The following PRPF39 variants were observed in gnomAD, a reference collection of about 807,000 sequenced individuals.
The protein encoded by PRPF39 is pre-mRNA processing factor 39.
A neutral mutation model predicts 82.1 loss-of-function variants in PRPF39; 27 were observed. The observed-to-expected ratio is 0.33, with a 90% CI of 0.24 to 0.45. PRPF39 has a LOEUF of 0.45. Ranked by LOEUF, PRPF39 falls within the 20% of genes least tolerant of loss-of-function variation. PRPF39 has a pLI of 1.00. For synonymous variants in PRPF39, 261 were observed against 256.4 expected (o/e 1.02, Z -0.17); for missense variants, 581 against 796.9 (o/e 0.73, Z 3.26).
chr14:45,096,127 G>A lies in PRPF39; in HGVS notation c.349G>A (p.Ala117Thr). The A allele has an allele frequency of 6.3e-7, 1 of 1,577,718 alleles. No homozygotes were observed. The highest frequency in any genetic ancestry group is 1.2e-5 in the South Asian group (1 of 86,042). Residue 117 changes from alanine (A) to threonine (T), a missense_variant, in exon 3 of 14, where the codon GCA becomes ACA. Transcript: ENST00000355765. ...GAATCACTTGATGGCTGCCAGGAAG[G>A]CATTTGACAGATTTTTCATACACTA... Reference protein sequence around the residue: ...QENHLMAARKAFDRFFIHYPY... With the variant: ...QENHLMAARKTFDRFFIHYPY...
At chr14:45,096,450 A>G in intron 3 of PRPF39, 2 of 1,481,996 alleles carry the variant, frequency 1.3e-6, no homozygotes, top group African/African-American at 1.4e-5. Flanking sequence ...CAGTTTGTCA[A>G]GCTTTGCAGT....
intron 1 of PRPF39, among the ~76,000 whole-genome samples, chr14:45,093,053 C>T (rs937366085): frequency 5.9e-5 from 9 of 152,288 alleles, no homozygotes; most frequent in Admixed American, 5.9e-4. Flanking sequence ...CAATTGTTAA[C>T]ACCAGCTGCC....
At position 45,103,340 on chromosome 14, in the gene PRPF39, A is replaced by G. The variant is rs191485672; in HGVS notation, c.737+644A>G. ...AGTATCCCATAAATAAGGATCCAGA[A>G]AGTCTTTCTGAACGAGTATGAGGAC... On this transcript the variant is annotated intron_variant, in intron 5 of 13. Transcript: ENST00000355765. Among the ~76,000 whole-genome samples the G allele has an allele frequency of 5.0e-3, 763 of 152,246 alleles. 8 individuals carry two copies. Among genetic ancestry groups the G allele is most frequent in the African/African-American group, 0.017 (716 of 41,574 alleles).
Position 45,110,437 on chromosome 14 carries a change from T to A in PRPF39, c.1304-112T>A, listed in dbSNP as rs111262011. ...CAGTGTGTAAATATGCATGGCTGTT[T>A]CCCATTATTAGTTGCTGGATTTAGC... On this transcript the variant is annotated intron_variant, in intron 9 of 13. Transcript: ENST00000355765. This position sits in a 1 kb window ranked among gnomAD's most constrained non-coding sequence, Gnocchi z 4.0. The A allele has an allele frequency of 5.7e-5, 72 of 1,258,304 alleles. 4 individuals are homozygous for A. The highest frequency in any genetic ancestry group is 5.3e-4 in the African/African-American group (35 of 66,054). The allele number at this position is 1,258,304 out of a possible 1,614,324, so 77.9% of individuals were successfully genotyped here.
intron 3 of PRPF39, 106 bp from the exon 4 acceptor site, chr14:45,096,781 A>G: frequency 6.5e-7 from 1 of 1,541,690 alleles, no homozygotes; most frequent in Admixed American, 2.0e-5. Context: ...TATTTAAACA[A>G]AATTCCAGTA....
In PRPF39 at chr14:45,096,384, T is replaced by C. The variant is rs547287657; in HGVS notation, c.450+156T>C. 126 of 1,523,322 alleles carry C rather than the reference T, an allele frequency of 8.3e-5. 1 individual carries two copies. The East Asian group carries it at 3.2e-3, about 38-fold the overall frequency. The allele number at this position is 1,523,322 out of a possible 1,614,324, so 94.4% of individuals were successfully genotyped here. A position where few individuals can be genotyped will look rare whatever the true frequency, so the allele number is the denominator to read the frequency against. On this transcript the variant is annotated intron_variant, in intron 3 of 13. Coordinates refer to ENST00000355765, the MANE Select transcript of PRPF39 (RefSeq NM_017922.4). ...GGTATTTATTTGCATTTGTCACTCT[T>C]GTGGCATTTGTAGCTAATATTTTCT...
chr14:45,114,170 T>C lies in PRPF39; in HGVS notation c.1758-13T>C. 1 of 1,547,172 alleles carries C rather than the reference T, an allele frequency of 6.5e-7. No individual in the cohort carries two copies. The highest frequency in any genetic ancestry group is 8.8e-7 in the Non-Finnish European group (1 of 1,134,824). ...TTGTATATTCCAGAGGATATTTTTTTCTTTCCTTTCAGGCTTCTGAATGCT... is the reference window on the plus strand; with the variant it reads ...TTGTATATTCCAGAGGATATTTTTTCCTTTCCTTTCAGGCTTCTGAATGCT... On this transcript the variant is annotated splice_polypyrimidine_tract_variant and intron_variant, in intron 11 of 13. Transcript: ENST00000355765.
At chr14:45,111,001 A>G (rs893948855) in intron 10 of PRPF39, 184 bp downstream of exon 10, 16 of 594,300 alleles carry the variant, frequency 2.7e-5, no homozygotes, top group Non-Finnish European at 4.6e-5. Context: ...TTTTGAATTA[A>G]AAGTTTTAGA....
intron 5 of PRPF39, among the ~76,000 whole-genome samples, chr14:45,106,700 T>C (rs1884544327): frequency 2.0e-5 from 3 of 152,194 alleles, no homozygotes. Context: ...GGTATACTTA[T>C]TTCAAGCTGT....
At chr14:45,114,131 A>C in intron 11 of PRPF39, 52 bp from the exon 12 acceptor site, 1 of 1,318,506 alleles carries the variant, frequency 7.6e-7, no homozygotes. Flanking sequence ...TAAATATTTA[A>C]TAAAGTTTGT....
chr14:45,114,261 T>C lies in PRPF39; in HGVS notation c.1832+4T>C. On this transcript the variant is annotated splice_donor_region_variant and intron_variant, in intron 12 of 13. Coordinates refer to ENST00000355765, the MANE Select transcript of PRPF39 (RefSeq NM_017922.4). ...TAAAAAGGAAAGCAGAAAATGGGTA[T>C]GTCACTTTTTGCTAAGTCAAGAAGG... 1 of 1,579,370 alleles carries C rather than the reference T, an allele frequency of 6.3e-7. No individual in the cohort carries two copies. The highest frequency in any genetic ancestry group is 1.1e-5 in the South Asian group (1 of 87,966).
chr14:45,086,961 A>T (rs188391629), intron 1 of PRPF39, among the ~76,000 whole-genome samples: 70 of 150,852 alleles, frequency 4.6e-4, no homozygotes, highest in African/African-American at 1.5e-3. Context: ...TAATGTGTGC[A>T]TTCACTGTGG....
chr14:45,112,646 G>C (rs1312567752), intron 11 of PRPF39, 144 bp downstream of exon 11: 1 of 822,474 alleles, frequency 1.2e-6, no homozygotes, highest in Non-Finnish European at 1.7e-6. Flanking sequence ...TATATATGGG[G>C]GTAAATTCAA....
At chr14:45,085,822 A>T (rs900950873) in intron 1 of PRPF39, among the ~76,000 whole-genome samples, 4 of 151,958 alleles carry the variant, frequency 2.6e-5, no homozygotes, top group Non-Finnish European at 5.9e-5. Flanking sequence ...CTCTACCCAA[A>T]ACTCCTTTCA....
chr14:45,102,722 A>G, intron 5 of PRPF39, 26 bp downstream of exon 5: 1 of 1,538,424 alleles, frequency 6.5e-7, no homozygotes, highest in Non-Finnish European at 8.9e-7. Context: ...TGATCATTGA[A>G]ACATCTTTGA....
At chr14:45,094,082 A>T (rs774730127) in intron 1 of PRPF39, among the ~76,000 whole-genome samples, 2 of 151,972 alleles carry the variant, frequency 1.3e-5, no homozygotes, top group Admixed American at 6.6e-5. Flanking sequence ...TATTGTCTTT[A>T]AAGTTTTAGT....
intron 11 of PRPF39, among the ~76,000 whole-genome samples, chr14:45,113,479 C>T (rs1009977472): frequency 6.6e-6 from 1 of 152,128 alleles, no homozygotes; most frequent in Non-Finnish European, 1.5e-5. Flanking sequence ...GAGGACTGAA[C>T]CTACTTCAGA....
At chr14:45,091,561 A>C (rs532644699) in intron 1 of PRPF39, among the ~76,000 whole-genome samples, 13 of 152,348 alleles carry the variant, frequency 8.5e-5, no homozygotes, top group Admixed American at 3.3e-4. Flanking sequence ...ACAAACTTAT[A>C]ATAATATTTT....
intron 4 of PRPF39, among the ~76,000 whole-genome samples, chr14:45,099,517 T>C (rs1284531301): frequency 6.6e-6 from 1 of 152,106 alleles, no homozygotes; most frequent in Non-Finnish European, 1.5e-5. Context: ...CGATCTCGGC[T>C]CACTGCAAGC....
Sources: gnomAD v4.1 joint callset for allele counts (sites outside exome capture counted in the v4.1 genomes callset) on GRCh38, gnomAD v4.1.1 for gene constraint, Gnocchi (gnomAD v3.1) non-coding constraint, MANE v1.5 for transcripts, NCBI Gene and HGNC (gene_info 2026-07-23, HGNC 2026-07-21) for gene names.